Variants in NRXN1 observed in about 807,000 individuals in gnomAD.
NRXN1 encodes neurexin-1.
Under a neutral mutation model 150.9 loss-of-function variants are expected in NRXN1, and 39 were observed. The ratio of observed to expected loss-of-function variants is 0.26; its 90% CI spans 0.20 to 0.34. NRXN1 has a LOEUF of 0.34. NRXN1 is among the 10% of genes least tolerant of loss of function. NRXN1 has a pLI of 1.00. For missense variants in NRXN1, 1,815 were observed against 1,949.9 expected, an observed-to-expected ratio of 0.93 and a Z score of 1.30; for synonymous variants, 924 against 757.0, an observed-to-expected ratio of 1.22 and a Z score of -3.62.
At chr2:50,589,368 G>A (rs1673737135) in intron 8 of NRXN1, 1 of 152,222 alleles carries the variant, frequency 6.6e-6, no homozygotes. Flanking sequence ...AGGCTCCTGG[G>A]TGGGAGTAGT....
chr2:50,623,692 G>A, intron 5 of NRXN1, 77 bp from the exon 6 acceptor site: 1 of 990,998 alleles, frequency 1.0e-6, no homozygotes, highest in Non-Finnish European at 1.5e-6. Flanking sequence ...AGAAACAATA[G>A]CTAATCACTC....
chr2:50,412,334 TAA>T (rs11358204), intron 17 of NRXN1, among the ~76,000 whole-genome samples: 8 of 150,634 alleles, frequency 5.3e-5, no homozygotes, highest in Non-Finnish European at 7.4e-5. Context: ...AAATAAAAAA[TAA>T]AAAAAATAAT....
chr2:50,431,046 T>A (rs1330592493), intron 17 of NRXN1, among the ~76,000 whole-genome samples: 1 of 152,172 alleles, frequency 6.6e-6, no homozygotes, highest in East Asian at 1.9e-4. Context: ...ATACTCTTCT[T>A]GTCAACAAAG....
At chr2:50,327,164 T>A (rs959569662) in intron 17 of NRXN1, among the ~76,000 whole-genome samples, 3 of 152,114 alleles carry the variant, frequency 2.0e-5, no homozygotes, top group East Asian at 1.9e-4. Flanking sequence ...TGAGAATAAA[T>A]AATCAAATCG....
intron 17 of NRXN1, among the ~76,000 whole-genome samples, chr2:50,302,434 T>C (rs1233538950): frequency 2.6e-5 from 4 of 152,330 alleles, no homozygotes; most frequent in South Asian, 4.1e-4. Flanking sequence ...AGATACATTT[T>C]GTCAATCATC....
At chr2:50,991,121 G>A (rs147823438) in intron 2 of NRXN1, among the ~76,000 whole-genome samples, 49 of 152,090 alleles carry the variant, frequency 3.2e-4, no homozygotes, top group African/African-American at 1.2e-3. Flanking sequence ...TCAAATAAAT[G>A]GCAGGTCTGT....
chr2:50,681,914 G>T (rs1690465932), intron 5 of NRXN1, among the ~76,000 whole-genome samples: 1 of 152,070 alleles, frequency 6.6e-6, no homozygotes, highest in African/African-American at 2.4e-5. Flanking sequence ...ATGATCTTTG[G>T]CATGGCACTT....
At chr2:50,407,571 T>A (rs755392804) in intron 17 of NRXN1, among the ~76,000 whole-genome samples, 13 of 152,050 alleles carry the variant, frequency 8.5e-5, no homozygotes, top group Non-Finnish European at 1.8e-4. Flanking sequence ...GGTGATTGGG[T>A]CATGAGGGCT....
intron 16 of NRXN1, among the ~76,000 whole-genome samples, chr2:50,468,793 A>G (rs955864549): frequency 6.6e-6 from 1 of 151,456 alleles, no homozygotes; most frequent in Non-Finnish European, 1.5e-5. Flanking sequence ...AAAAAAAGGC[A>G]ATGATACCTA....
chr2:50,218,377 C>T (rs897725477), intron 18 of NRXN1, among the ~76,000 whole-genome samples: 1 of 151,896 alleles, frequency 6.6e-6, no homozygotes, highest in African/African-American at 2.4e-5. Flanking sequence ...TCTACCAGCT[C>T]TTAGTATGAA....
chr2:49,972,808 A>G (rs893109291), intron 21 of NRXN1: 70 of 152,240 alleles, frequency 4.6e-4, no homozygotes, highest in Admixed American at 4.3e-3. Flanking sequence ...TGCAATCAGA[A>G]CTTCCCTTGA....
chr2:50,362,001 C>A (rs1050795370), intron 17 of NRXN1, among the ~76,000 whole-genome samples: 1 of 152,160 alleles, frequency 6.6e-6, no homozygotes, highest in Admixed American at 6.5e-5. Flanking sequence ...ACAAAAAACA[C>A]ATGATTATCT....
intron 17 of NRXN1, among the ~76,000 whole-genome samples, chr2:50,304,073 C>T (rs879840254): frequency 6.6e-6 from 1 of 152,078 alleles, no homozygotes; most frequent in Non-Finnish European, 1.5e-5. Context: ...TATAAGATTA[C>T]AGCCATAGAT....
intron 17 of NRXN1, among the ~76,000 whole-genome samples, chr2:50,287,249 TCAGA>T (rs1055120410): frequency 3.9e-5 from 6 of 152,240 alleles, no homozygotes; most frequent in East Asian, 1.9e-4. Flanking sequence ...TGAAAATTAA[TCAGA>T]CAGTGTCTTC....
At chr2:50,913,573 T>C (rs1459084487) in intron 5 of NRXN1, among the ~76,000 whole-genome samples, 3 of 151,828 alleles carry the variant, frequency 2.0e-5, no homozygotes, top group Non-Finnish European at 4.4e-5. Flanking sequence ...GTATAGTCTA[T>C]ACCTGGGTTA....
chr2:50,527,843 G>T (rs1257645515), intron 12 of NRXN1, among the ~76,000 whole-genome samples: 1 of 152,100 alleles, frequency 6.6e-6, no homozygotes, highest in Non-Finnish European at 1.5e-5. Flanking sequence ...TATTTAAATT[G>T]CTGATGACTT....
chr2:50,358,025 C>A (rs942757704), intron 17 of NRXN1, among the ~76,000 whole-genome samples: 3 of 152,100 alleles, frequency 2.0e-5, no homozygotes, highest in Admixed American at 6.5e-5. Flanking sequence ...GGGACTGTGC[C>A]ATGAGGGATG....
chr2:50,113,317 G>A (rs2152727273), intron 18 of NRXN1, among the ~76,000 whole-genome samples: 1 of 152,204 alleles, frequency 6.6e-6, no homozygotes, highest in South Asian at 2.1e-4. Flanking sequence ...TTGTGCATGT[G>A]TCTCTTCTGC....
intron 17 of NRXN1, among the ~76,000 whole-genome samples, chr2:50,325,176 G>C (rs988120957): frequency 6.6e-6 from 1 of 152,194 alleles, no homozygotes; most frequent in Non-Finnish European, 1.5e-5. Context: ...GGAACAATCA[G>C]AATGGATGAA....
Sources: gnomAD v4.1 joint callset for allele counts (sites outside exome capture counted in the v4.1 genomes callset) on GRCh38, gnomAD v4.1.1 for gene constraint, MANE v1.5 for transcripts, NCBI Gene and HGNC (gene_info 2026-07-23, HGNC 2026-07-21) for gene names.